Variants in KDM4C observed in about 807,000 individuals in gnomAD.
KDM4C encodes lysine demethylase 4C.
Under a neutral mutation model 129.3 loss-of-function variants are expected in KDM4C, and 81 were observed. The ratio of observed to expected loss-of-function variants is 0.63; its 90% CI spans 0.52 to 0.75. The LOEUF (loss-of-function observed/expected upper bound fraction) is 0.75. Ranked by LOEUF, KDM4C falls within the 30% of genes least tolerant of loss-of-function variation. The pLI, the probability that KDM4C is intolerant of heterozygous loss-of-function variation, is 0.00. For missense variants in KDM4C, 1,457 were observed against 1,304.0 expected (o/e 1.12, Z -1.81); for synonymous variants, 573 against 456.1 (o/e 1.26, Z -3.26).
intron 8 of KDM4C, among the ~76,000 whole-genome samples, chr9:6,968,420 GT>G (rs1831383514): frequency 6.6e-6 from 1 of 152,206 alleles, no homozygotes; most frequent in South Asian, 2.1e-4. Flanking sequence ...TGGTGAAGCA[GT>G]TTTTTATGCA....
At chr9:6,865,008 CT>C (rs777981928) in intron 5 of KDM4C, among the ~76,000 whole-genome samples, 2,979 of 126,508 alleles carry the variant, frequency 0.024, 88 homozygotes, top group African/African-American at 0.074. Flanking sequence ...AAATTTCTTT[CT>C]TTTTTTTTTT....
At chr9:7,123,962 T>C (rs901784851) in intron 18 of KDM4C, among the ~76,000 whole-genome samples, 3 of 152,158 alleles carry the variant, frequency 2.0e-5, no homozygotes, top group Admixed American at 2.0e-4. Context: ...AGTGGTTGAC[T>C]CACCTGAGCT....
chr9:7,089,336 C>T (rs1302452567), intron 17 of KDM4C, among the ~76,000 whole-genome samples: 1 of 152,118 alleles, frequency 6.6e-6, no homozygotes, highest in Admixed American at 6.5e-5. Context: ...CATAGTGGCA[C>T]ACAACTTTGA....
At chr9:6,787,764 A>G (rs573627575) in intron 1 of KDM4C, among the ~76,000 whole-genome samples, 3 of 152,170 alleles carry the variant, frequency 2.0e-5, no homozygotes, top group East Asian at 3.8e-4. Context: ...AATGTGATTT[A>G]CAATATGTGA....
chr9:6,754,692 T>G (rs1295810112), upstream of KDM4C, among the ~76,000 whole-genome samples: 1 of 151,356 alleles, frequency 6.6e-6, no homozygotes, highest in Non-Finnish European at 1.5e-5. Context: ...CTGGGCAACA[T>G]AGTGAGACCC....
At chr9:6,922,245 T>C (rs1374697079) in intron 8 of KDM4C, among the ~76,000 whole-genome samples, 3 of 152,262 alleles carry the variant, frequency 2.0e-5, no homozygotes, top group Non-Finnish European at 4.4e-5. Flanking sequence ...AATTTTTTGT[T>C]TTATGCAATG....
intron 6 of KDM4C, among the ~76,000 whole-genome samples, chr9:6,882,851 A>C (rs1844684083): frequency 6.6e-6 from 1 of 151,686 alleles, no homozygotes; most frequent in African/African-American, 2.4e-5. Context: ...TTTAATGGCT[A>C]GTAATCTTGA....
At chr9:6,849,759 C>A in intron 5 of KDM4C, 59 bp downstream of exon 5, 1 of 1,315,232 alleles carries the variant, frequency 7.6e-7, no homozygotes, top group Non-Finnish European at 1.0e-6. Context: ...GCATCAGGCA[C>A]ATATTGAAGA....
In KDM4C at chr9:6,977,143, C is replaced by A. The variant is rs118160934; in HGVS notation, c.922-3782C>A. Among the ~76,000 whole-genome samples the A allele has an allele frequency of 2.8e-4, 43 of 152,208 alleles. No individual in the cohort carries two copies. In the South Asian group the frequency reaches 8.1e-3, roughly 29 times the overall value. On this transcript the variant is annotated intron_variant, in intron 8 of 21. Transcript: ENST00000381309. Reference sequence around the variant, plus strand: ...GACTACAGGTTATAGCCATGTGCCTCGTGTCATTTGGACATATTTAAATCT... The same window carrying A: ...GACTACAGGTTATAGCCATGTGCCTAGTGTCATTTGGACATATTTAAATCT...
chr9:7,142,144 C>T (rs549589450), intron 19 of KDM4C, among the ~76,000 whole-genome samples: 1 of 152,306 alleles, frequency 6.6e-6, no homozygotes, highest in South Asian at 2.1e-4. Flanking sequence ...CATATGTAGA[C>T]TTGGCCTCAC....
chr9:7,165,663 C>G (rs894189851), intron 20 of KDM4C, among the ~76,000 whole-genome samples: 8 of 152,200 alleles, frequency 5.3e-5, no homozygotes, highest in Admixed American at 3.3e-4. Flanking sequence ...GTATGGGGAA[C>G]GACTAGTTGG....
At chr9:6,981,302 T>C (rs1017485301) in intron 9 of KDM4C, among the ~76,000 whole-genome samples, 184 bp downstream of exon 9, 21 of 152,246 alleles carry the variant, frequency 1.4e-4, no homozygotes, top group Non-Finnish European at 2.9e-5. Context: ...GGAAGAGATG[T>C]ATATTTATTT....
chr9:7,069,564 AT>A (rs1832916411), intron 17 of KDM4C, among the ~76,000 whole-genome samples: 4 of 152,248 alleles, frequency 2.6e-5, no homozygotes, highest in African/African-American at 9.6e-5. Flanking sequence ...ATAATTACAG[AT>A]TCGTGGGAAG....
At chr9:6,953,788 C>G (rs1828590367) in intron 8 of KDM4C, among the ~76,000 whole-genome samples, 1 of 152,112 alleles carries the variant, frequency 6.6e-6, no homozygotes, top group South Asian at 2.1e-4. Flanking sequence ...GCCACCATAT[C>G]ATCCCTATTT....
intron 6 of KDM4C, among the ~76,000 whole-genome samples, chr9:6,884,350 T>A (rs1425330046): frequency 2.0e-5 from 3 of 152,204 alleles, no homozygotes; most frequent in Admixed American, 6.5e-5. Flanking sequence ...AGGTCATTGG[T>A]TCTTTTCATA....
chr9:6,924,105 A>G (rs551649219), intron 8 of KDM4C, among the ~76,000 whole-genome samples: 1 of 152,290 alleles, frequency 6.6e-6, no homozygotes, highest in East Asian at 1.9e-4. Flanking sequence ...TTTTTCTAAT[A>G]GCTGCTGGCT....
At chr9:7,134,629 T>C (rs189523207) in intron 19 of KDM4C, among the ~76,000 whole-genome samples, 1 of 152,344 alleles carries the variant, frequency 6.6e-6, no homozygotes, top group Non-Finnish European at 1.5e-5. Context: ...TGTAAACCAG[T>C]ATAATATTTA....
chr9:6,721,653 G>T (rs962212331), intron 1 of KDM4C, among the ~76,000 whole-genome samples: 2 of 148,282 alleles, frequency 1.3e-5, no homozygotes, highest in African/African-American at 5.0e-5. Context: ...CAGTGGCGTG[G>T]TCTCGGCTCA....
intron 20 of KDM4C, among the ~76,000 whole-genome samples, chr9:7,166,481 C>T (rs1844403974): frequency 1.3e-5 from 2 of 151,738 alleles, no homozygotes; most frequent in Non-Finnish European, 2.9e-5. Flanking sequence ...TGTGTAAAGG[C>T]CATTTCCCCC....
Sources: gnomAD v4.1 joint callset for allele counts (sites outside exome capture counted in the v4.1 genomes callset) on GRCh38, gnomAD v4.1.1 for gene constraint, MANE v1.5 for transcripts, NCBI Gene and HGNC (gene_info 2026-07-23, HGNC 2026-07-21) for gene names.